Variants in AXDND1 observed in about 807,000 individuals in gnomAD.
AXDND1 encodes the protein axonemal dynein light chain domain containing 1.
AXDND1 carries 110 observed loss-of-function variants against 137.5 expected under a neutral mutation model. That is an observed-to-expected ratio of 0.80 (90% CI 0.69 to 0.94). AXDND1 has a LOEUF of 0.94. Ranked by LOEUF, AXDND1 falls within the 40% of genes least tolerant of loss-of-function variation. The probability of loss-of-function intolerance (pLI) is 0.00; values close to 1 mark genes in which losing one functional copy is unlikely to be tolerated. For missense variants in AXDND1, 1,191 were observed against 1,169.8 expected (o/e 1.02, Z -0.26); for synonymous variants, 414 against 399.7 (o/e 1.04, Z -0.43).
intron 15 of AXDND1, among the ~76,000 whole-genome samples, chr1:179,436,486 T>C (rs1281100475): frequency 1.3e-5 from 2 of 152,122 alleles, no homozygotes; most frequent in Non-Finnish European, 2.9e-5. Context: ...GTGGTACATA[T>C]ACACCATGAA....
At chr1:179,418,574 A>G (rs1303587360) in intron 12 of AXDND1, among the ~76,000 whole-genome samples, 10 of 151,086 alleles carry the variant, frequency 6.6e-5, no homozygotes, top group Non-Finnish European at 1.2e-4. Context: ...GGCCGGGCAG[A>G]GGCACCCCTC....
chr1:179,396,749 T>C (rs972313433), intron 11 of AXDND1, among the ~76,000 whole-genome samples: 1 of 152,216 alleles, frequency 6.6e-6, no homozygotes, highest in African/African-American at 2.4e-5. Flanking sequence ...TGCACTATAA[T>C]ATTAACCATA....
At chr1:179,537,430 T>C (rs1184431795) in intron 25 of AXDND1, among the ~76,000 whole-genome samples, 3 of 152,208 alleles carry the variant, frequency 2.0e-5, no homozygotes, top group East Asian at 3.9e-4. Context: ...TGAAGGCCTT[T>C]TCTGCATCTA....
At chr1:179,393,736 T>C (rs995582578) in intron 9 of AXDND1, among the ~76,000 whole-genome samples, 167 bp from the exon 10 acceptor site, 2 of 152,080 alleles carry the variant, frequency 1.3e-5, no homozygotes, top group East Asian at 3.9e-4. Context: ...TTCTTTTTCT[T>C]TTTTTTTGCA....
intron 9 of AXDND1, 101 bp from the exon 10 acceptor site, chr1:179,393,802 G>A: frequency 1.0e-6 from 1 of 969,612 alleles, no homozygotes; most frequent in Non-Finnish European, 1.5e-6. Flanking sequence ...TTTTCTTGGT[G>A]TATAGCAGTG....
At chr1:179,512,243 G>A (rs1381925454) in intron 21 of AXDND1, among the ~76,000 whole-genome samples, 2 of 152,164 alleles carry the variant, frequency 1.3e-5, no homozygotes, top group Non-Finnish European at 2.9e-5. Flanking sequence ...TTTTGTATAA[G>A]GTGAGAGATG....
intron 18 of AXDND1, among the ~76,000 whole-genome samples, chr1:179,483,550 G>A (rs544660756): frequency 1.3e-5 from 2 of 152,308 alleles, no homozygotes; most frequent in Non-Finnish European, 2.9e-5. Context: ...CACATGGTGG[G>A]ACTCAGTAAA....
chr1:179,378,720 C>A lies in AXDND1; in HGVS notation c.458C>A (p.Ser153Ter). 6.3e-7 allele frequency: 1 copy of A among 1,588,458 alleles called. No individual in the cohort carries two copies. The highest frequency in any genetic ancestry group is 8.6e-7 in the Non-Finnish European group (1 of 1,165,610). The change falls in exon 5 of 26, where the codon TCA (serine) becomes TAA (stop). Residue 153 changes from serine (S) to a stop codon, truncating the protein, a stop_gained. Coordinates refer to ENST00000367618, the MANE Select transcript of AXDND1 (RefSeq NM_144696.6). LOFTEE classifies it high-confidence loss of function. ...GTTTGTCCCCCACATTTGGCCCGTT[C>A]ATTACAGTCACATGATGGTGTCATT... ...KAVCPPHLAR[S>*]LQSHDGVIVP... is the part of the protein sequence containing the mutation.
intron 20 of AXDND1, among the ~76,000 whole-genome samples, chr1:179,497,245 C>T (rs10798683): frequency 0.66 from 99,835 of 151,742 alleles, 34,033 homozygotes; most frequent in East Asian, 0.81. Context: ...CTACTTGATC[C>T]ATCAGTTATT....
rs369394768 is a variant in AXDND1 at position 179,371,604 on chromosome 1, T to G, written c.374+1526T>G. The stretch of plus-strand genomic sequence containing the variant: ...CCTGGGAAAAGGGACTTTACAGATA[T>G]GATGAAAGTAAGGACATTGAAATGG... On this transcript the variant is annotated intron_variant, in intron 4 of 25. Coordinates refer to ENST00000367618, the MANE Select transcript of AXDND1 (RefSeq NM_144696.6). 1.2e-4 allele frequency among the ~76,000 whole-genome samples: 19 copies of G among 152,182 alleles called. No homozygotes were observed. The East Asian group carries it at 3.7e-3, about 29-fold the overall frequency.
chr1:179,378,946 G>T (rs986907669), intron 5 of AXDND1, among the ~76,000 whole-genome samples, 189 bp downstream of exon 5: 3 of 152,050 alleles, frequency 2.0e-5, no homozygotes, highest in Admixed American at 6.5e-5. Flanking sequence ...AGCAGGAAAA[G>T]ATCAAAATGT....
intron 16 of AXDND1, chr1:179,447,896 T>G (rs1050937778): frequency 7.3e-7 from 1 of 1,364,936 alleles, no homozygotes; most frequent in East Asian, 2.3e-5. Context: ...GACACATTTC[T>G]ATGTAATATG....
intron 15 of AXDND1, among the ~76,000 whole-genome samples, chr1:179,437,256 A>G (rs1658304516): frequency 6.6e-6 from 1 of 152,106 alleles, no homozygotes; most frequent in Non-Finnish European, 1.5e-5. Context: ...GAGCTTTACA[A>G]AGCCCTCTGT....
In AXDND1 at chr1:179,419,022, G is replaced by C. The variant is rs576997764; in HGVS notation, c.1230+7756G>C. Among the ~76,000 whole-genome samples the C allele has an allele frequency of 5.1e-4, 78 of 151,616 alleles. No individual in the cohort carries two copies. The East Asian group carries it at 0.015, about 29-fold the overall frequency. On this transcript the variant is annotated intron_variant, in intron 12 of 25. Transcript: ENST00000367618. ...GCTCCCCACATCTCAGACGATGGGC[G>C]GCCGGACAGAGACGCTCCTCACTTC...
intron 11 of AXDND1, among the ~76,000 whole-genome samples, chr1:179,409,369 T>TA (rs79836504): frequency 1.3e-5 from 2 of 152,198 alleles, no homozygotes; most frequent in Admixed American, 1.3e-4. Flanking sequence ...AGGGGTTTTT[T>TA]AAAAAAATAT....
intron 21 of AXDND1, among the ~76,000 whole-genome samples, chr1:179,514,719 G>C (rs1219766668): frequency 1.3e-5 from 2 of 152,106 alleles, no homozygotes. Flanking sequence ...AGGTCTGTTA[G>C]TAATTGTTTT....
In AXDND1 at chr1:179,395,174, G is replaced by T; in HGVS notation, c.1081G>T (p.Ala361Ser). Residue 361 changes from alanine to serine, a missense_variant, in exon 11 of 26, where the codon GCT becomes TCT. Transcript: ENST00000367618. ...TEKAHKDLAQALLNAEKNAKI... is the reference protein window; with the variant it reads ...TEKAHKDLAQSLLNAEKNAKI... ...AAAAGCCCACAAGGATTTGGCACAA[G>T]CTCTTTTAAATGCGGAAAAGAATGC... 6.2e-7 allele frequency: 1 copy of T among 1,613,236 alleles called. No individual in the cohort carries two copies. Among genetic ancestry groups the T allele is most frequent in the African/African-American group, 1.3e-5 (1 of 74,998 alleles).
At chr1:179,473,004 G>T (rs904543614) in intron 17 of AXDND1, among the ~76,000 whole-genome samples, 10 of 151,832 alleles carry the variant, frequency 6.6e-5, no homozygotes, top group Admixed American at 2.6e-4. Flanking sequence ...TACCTTTAAA[G>T]ATATTATTGA....
At chr1:179,542,697 T>C (rs1331778499) in intron 25 of AXDND1, among the ~76,000 whole-genome samples, 1 of 152,266 alleles carries the variant, frequency 6.6e-6, no homozygotes, top group Non-Finnish European at 1.5e-5. Flanking sequence ...TGTGGGACTT[T>C]AGTTTTGTCC....
Sources: allele counts gnomAD v4.1 joint callset (sites outside exome capture counted in the v4.1 genomes callset), GRCh38; gene constraint gnomAD v4.1.1; transcripts MANE v1.5; gene names NCBI Gene and HGNC (gene_info 2026-07-23, HGNC 2026-07-21).